ZMYM4: variants seen among roughly 807,000 people sequenced by gnomAD.
The protein encoded by ZMYM4 is zinc finger MYM-type containing 4.
Under a neutral mutation model 183.2 loss-of-function variants are expected in ZMYM4, and 31 were observed. The ratio of observed to expected loss-of-function variants is 0.17; its 90% CI spans 0.13 to 0.23. The LOEUF is 0.23. ZMYM4 is among the 10% of genes least tolerant of loss of function. The pLI, the probability that ZMYM4 is intolerant of heterozygous loss-of-function variation, is 1.00. For synonymous variants in ZMYM4, 592 were observed against 631.2 expected (o/e 0.94, Z 0.93); for missense variants, 1,273 against 1,840.3 (o/e 0.69, Z 5.64).
chr1:35,281,675 TATATA>T (rs1640169590), intron 1 of ZMYM4, among the ~76,000 whole-genome samples: 1 of 150,326 alleles, frequency 6.7e-6, no homozygotes, highest in South Asian at 2.1e-4. Context: ...TATATATATA[TATATA>T]ATATAACATT....
chr1:35,362,761 G>T (rs1643969000), intron 5 of ZMYM4, among the ~76,000 whole-genome samples: 1 of 151,758 alleles, frequency 6.6e-6, no homozygotes, highest in Non-Finnish European at 1.5e-5. Context: ...GGAATGCAGT[G>T]GTGCAATCAC....
At chr1:35,346,502 T>C (rs1467490106) in intron 2 of ZMYM4, among the ~76,000 whole-genome samples, 1 of 151,748 alleles carries the variant, frequency 6.6e-6, no homozygotes, top group Non-Finnish European at 1.5e-5. Flanking sequence ...AACACAAAAA[T>C]TAGCTGGGAG....
chr1:35,370,568 A>G lies in ZMYM4; in HGVS notation c.1122A>G (p.Thr374=), dbSNP rs1192017505. The G allele has an allele frequency of 1.9e-6, 3 of 1,612,534 alleles. No individual in the cohort carries two copies. Among genetic ancestry groups the G allele is most frequent in the Non-Finnish European group, 2.5e-6 (3 of 1,179,284 alleles). The change falls in exon 7 of 30, where the codon ACA becomes ACG. Residue 374 remains threonine (T), a synonymous_variant. Transcript: ENST00000314607. ...FCSTLCLTGY[T]VPPARPPPPL... is the part of the protein sequence containing the mutation. The stretch of plus-strand genomic sequence containing the variant: ...CCACACTGTGCCTCACTGGATATAC[A>G]GTTCCACCTGCCCGCCCACCGCCTC...
chr1:35,308,682 G>A (rs11264135), intron 1 of ZMYM4, among the ~76,000 whole-genome samples: 9,746 of 152,104 alleles, frequency 0.064, 906 homozygotes, highest in East Asian at 0.44. Flanking sequence ...GCAACATGGC[G>A]AAACCCTGTC....
chr1:35,279,720 A>G (rs1640049221), intron 1 of ZMYM4, among the ~76,000 whole-genome samples: 1 of 152,208 alleles, frequency 6.6e-6, no homozygotes, highest in Non-Finnish European at 1.5e-5. Context: ...ATTCAAGTTC[A>G]TGGCTTCCAG....
intron 1 of ZMYM4, among the ~76,000 whole-genome samples, chr1:35,313,669 G>A (rs1231103084): frequency 6.6e-6 from 1 of 152,114 alleles, no homozygotes; most frequent in Non-Finnish European, 1.5e-5. Context: ...GATTACAGGT[G>A]TGAGCCACCT....
intron 7 of ZMYM4, among the ~76,000 whole-genome samples, chr1:35,374,645 TA>T (rs1195899077): frequency 2.2e-5 from 3 of 136,624 alleles, no homozygotes; most frequent in East Asian, 2.2e-4. Context: ...CCCCAGCTCC[TA>T]AAAAAAGTCA....
chr1:35,401,821 A>G (rs1490965888), intron 23 of ZMYM4, among the ~76,000 whole-genome samples: 2 of 152,178 alleles, frequency 1.3e-5, no homozygotes, highest in Non-Finnish European at 2.9e-5. Context: ...TTTTTTGAAT[A>G]TGGACATCCA....
At chr1:35,341,096 C>A (rs577779835) in intron 2 of ZMYM4, among the ~76,000 whole-genome samples, 3 of 151,170 alleles carry the variant, frequency 2.0e-5, no homozygotes, top group Admixed American at 6.6e-5. Flanking sequence ...ATATTGATGC[C>A]ATATTGATTT....
intron 7 of ZMYM4, among the ~76,000 whole-genome samples, chr1:35,376,982 C>T (rs574408984): frequency 1.6e-4 from 25 of 152,218 alleles, no homozygotes; most frequent in Non-Finnish European, 1.5e-4. Context: ...TCTGGGCTCA[C>T]TGCAACTTCC....
At chr1:35,312,985 C>G (rs1641871829) in intron 1 of ZMYM4, among the ~76,000 whole-genome samples, 1 of 152,216 alleles carries the variant, frequency 6.6e-6, no homozygotes, top group South Asian at 2.1e-4. Flanking sequence ...CGTCTGCCTC[C>G]TGAGTTCAAG....
chr1:35,402,698 T>C (rs1357637029), intron 23 of ZMYM4, among the ~76,000 whole-genome samples: 1 of 152,176 alleles, frequency 6.6e-6, no homozygotes. Context: ...TTCTATGATA[T>C]TTATCTTAGA....
At position 35,281,575 on chromosome 1, in the gene ZMYM4, G is replaced by A. The variant is rs181147997; in HGVS notation, c.39+12490G>A. Among the ~76,000 whole-genome samples, 14 of 151,836 alleles carry A rather than the reference G, an allele frequency of 9.2e-5. No homozygotes were observed. The East Asian group carries it at 9.6e-4, about 10-fold the overall frequency. On this transcript the variant is annotated intron_variant, in intron 1 of 29. Transcript: ENST00000314607. ...TTGCTTGATTCAGTCATTCCACACCGTATACATACGTGTGTATCAAAACAC... is the reference window on the plus strand; with the variant it reads ...TTGCTTGATTCAGTCATTCCACACCATATACATACGTGTGTATCAAAACAC...
rs543447712 is a variant in ZMYM4, at chr1:35,344,023, A to G, written c.86-14902A>G. On this transcript the variant is annotated intron_variant, in intron 2 of 29. Coordinates refer to ENST00000314607, the MANE Select transcript of ZMYM4 (RefSeq NM_005095.3). ...GGGGGAAAATTAACACCTTAAGTAT[A>G]TATAGTCTTTTCATAAGCATGGAAT... Among the ~76,000 whole-genome samples the G allele has an allele frequency of 1.2e-4, 18 of 151,700 alleles. No individual in the cohort carries two copies. In the Middle Eastern group the frequency reaches 0.01, roughly 86 times the overall value.
At chr1:35,383,004 A>G (rs1644499153) in intron 9 of ZMYM4, among the ~76,000 whole-genome samples, 1 of 152,216 alleles carries the variant, frequency 6.6e-6, no homozygotes, top group African/African-American at 2.4e-5. Context: ...TCAAAATTAT[A>G]TCATTAATTG....
intron 5 of ZMYM4, among the ~76,000 whole-genome samples, chr1:35,363,938 C>T (rs1365253709): frequency 1.3e-5 from 2 of 152,072 alleles, no homozygotes; most frequent in Non-Finnish European, 2.9e-5. Flanking sequence ...TGTACTTGAA[C>T]CATGTGACAC....
intron 2 of ZMYM4, among the ~76,000 whole-genome samples, chr1:35,355,527 C>T (rs1643790757): frequency 6.6e-6 from 1 of 152,112 alleles, no homozygotes; most frequent in Non-Finnish European, 1.5e-5. Context: ...CTTTACTGAA[C>T]TATAGGTCCT....
chr1:35,293,290 C>A (rs982311002), intron 1 of ZMYM4, among the ~76,000 whole-genome samples: 3 of 152,032 alleles, frequency 2.0e-5, no homozygotes, highest in African/African-American at 4.8e-5. Context: ...CAGGTGTGAA[C>A]CACCATACCA....
intron 1 of ZMYM4, among the ~76,000 whole-genome samples, chr1:35,308,662 A>G (rs1345079680): frequency 1.3e-5 from 2 of 152,138 alleles, no homozygotes. Context: ...GCAGTTCGAG[A>G]CCATCCTGGG....
Sources: allele counts gnomAD v4.1 joint callset (sites outside exome capture counted in the v4.1 genomes callset), GRCh38; gene constraint gnomAD v4.1.1; transcripts MANE v1.5; gene names NCBI Gene and HGNC (gene_info 2026-07-23, HGNC 2026-07-21).